Variants in STIM1 observed in about 807,000 individuals in gnomAD.
STIM1 encodes stromal interaction molecule 1.
Under a neutral mutation model 74.7 loss-of-function variants are expected in STIM1, and 25 were observed. The observed-to-expected ratio is 0.33, with a 90% CI of 0.24 to 0.47. STIM1 has a LOEUF of 0.47. STIM1 is among the 20% of genes least tolerant of loss of function. The pLI is 1.00. For missense variants in STIM1, 728 were observed against 920.8 expected, an observed-to-expected ratio of 0.79 and a Z score of 2.71; for synonymous variants, 328 against 348.8, an observed-to-expected ratio of 0.94 and a Z score of 0.66.
At chr11:3,928,176 A>G (rs1288294446) in intron 1 of STIM1, among the ~76,000 whole-genome samples, 1 of 151,160 alleles carries the variant, frequency 6.6e-6, no homozygotes, top group Non-Finnish European at 1.5e-5. Context: ...AAGGAAGGAC[A>G]TATTTTTTCT....
intron 2 of STIM1, among the ~76,000 whole-genome samples, chr11:3,972,084 T>C (rs773876106): frequency 6.6e-6 from 1 of 152,212 alleles, no homozygotes; most frequent in Admixed American, 6.5e-5. Flanking sequence ...CTTCATTTCC[T>C]TGGGTTCTGA....
Position 3,890,925 on chromosome 11 carries a change from T to C in STIM1, c.139+34516T>C, listed in dbSNP as rs115877634. Among the ~76,000 whole-genome samples, 1,129 of 152,290 alleles carry C rather than the reference T, an allele frequency of 7.4e-3. 11 individuals carry two copies. The highest frequency in any genetic ancestry group is 0.031 in the Middle Eastern group (9 of 294). On this transcript the variant is annotated intron_variant, in intron 1 of 12. Transcript: ENST00000526596. ...AATACTGTTTATGTACAATACCAGCTTGAGCTCTAAACTTGTAAAAGAATC... is the reference window on the plus strand; with the variant it reads ...AATACTGTTTATGTACAATACCAGCCTGAGCTCTAAACTTGTAAAAGAATC...
At chr11:4,045,897 G>T (rs1341934128) in intron 3 of STIM1, among the ~76,000 whole-genome samples, 2 of 149,206 alleles carry the variant, frequency 1.3e-5, no homozygotes, top group African/African-American at 4.9e-5. Flanking sequence ...CTCCCGAGTA[G>T]CTGGGATTAC....
intron 1 of STIM1, among the ~76,000 whole-genome samples, chr11:3,872,060 C>T (rs764603320): frequency 6.6e-6 from 1 of 152,000 alleles, no homozygotes; most frequent in African/African-American, 2.4e-5. Flanking sequence ...TTCTAACTCT[C>T]GTTTTTTTTT....
chr11:4,081,586 G>A (rs1164727394), intron 7 of STIM1, among the ~76,000 whole-genome samples: 1 of 152,170 alleles, frequency 6.6e-6, no homozygotes, highest in Non-Finnish European at 1.5e-5. Flanking sequence ...AGTTCTCTCT[G>A]ACATGAGCTC....
chr11:4,009,685 G>C (rs1204439851), intron 2 of STIM1, among the ~76,000 whole-genome samples: 1 of 151,970 alleles, frequency 6.6e-6, no homozygotes, highest in Non-Finnish European at 1.5e-5. Context: ...CATAAAAATA[G>C]TGTGCTTGCT....
At chr11:3,930,065 C>T (rs547157715) in intron 1 of STIM1, among the ~76,000 whole-genome samples, 1 of 152,284 alleles carries the variant, frequency 6.6e-6, no homozygotes, top group South Asian at 2.1e-4. Flanking sequence ...TGAGTAGCCT[C>T]TGGCCTCATG....
At chr11:4,070,254 C>T (rs767209828) in intron 6 of STIM1, 51 bp downstream of exon 6, 3 of 1,607,906 alleles carry the variant, frequency 1.9e-6, no homozygotes, top group African/African-American at 2.7e-5. Context: ...TCTTGGGAAC[C>T]TCCTATTTCC....
chr11:3,904,741 A>G (rs550358638), intron 1 of STIM1, among the ~76,000 whole-genome samples: 1 of 152,264 alleles, frequency 6.6e-6, no homozygotes, highest in Admixed American at 6.5e-5. Flanking sequence ...ACTGGGCATT[A>G]CTGTGATGCT....
chr11:3,856,098 G>T lies in STIM1; in HGVS notation c.-173G>T. 2 of 771,496 alleles carry T rather than the reference G, an allele frequency of 2.6e-6. No individual in the cohort carries two copies. The highest frequency in any genetic ancestry group is 4.2e-6 in the Non-Finnish European group (2 of 470,946). 47.8% of individuals were successfully genotyped at this position (771,496 alleles called of 1,614,324 possible). On this transcript the variant is annotated 5_prime_UTR_variant, in exon 1 of 13. Coordinates refer to ENST00000526596, the MANE Select transcript of STIM1 (RefSeq NM_001382567.1). The stretch of plus-strand genomic sequence containing the variant: ...CAGCCCTCCTCCCGCACCCAAACTT[G>T]GAGCACTTGACCTTTGGCTGTTGGA...
intron 7 of STIM1, among the ~76,000 whole-genome samples, chr11:4,077,290 C>T (rs537066897): frequency 6.6e-6 from 1 of 151,686 alleles, no homozygotes; most frequent in Non-Finnish European, 1.5e-5. Flanking sequence ...AGAAGTATTA[C>T]TGGACTCCAA....
intron 1 of STIM1, among the ~76,000 whole-genome samples, chr11:3,920,641 T>G (rs528203884): frequency 5.3e-5 from 8 of 152,266 alleles, no homozygotes; most frequent in African/African-American, 1.9e-4. Flanking sequence ...ATACTTGACC[T>G]GTTGAATAAG....
rs549976830 is a variant in STIM1, at chr11:3,946,710, T to C, written c.140-20842T>C. 5.6e-4 allele frequency among the ~76,000 whole-genome samples: 86 copies of C among 152,308 alleles called. 1 individual carries two copies. In the South Asian group the frequency reaches 0.017, roughly 30 times the overall value. On this transcript the variant is annotated intron_variant, in intron 1 of 12. Transcript: ENST00000526596. ...TTACCATATCCTGCTTATATTATGT[T>C]TCCTGACCTGCTATACTTTTTCCAG...
intron 1 of STIM1, chr11:3,892,829 A>G (rs1376786853): frequency 1.2e-6 from 2 of 1,612,398 alleles, no homozygotes; most frequent in Admixed American, 1.7e-5. Flanking sequence ...CTTGAAGGAG[A>G]CATGGCCCAA....
rs763916784 is a variant in STIM1 at position 4,084,693 on chromosome 11, C to T, written c.1495C>T (p.Arg499Cys). Residue 499 changes from arginine (R) to cysteine (C), a missense_variant, in exon 11 of 13, where the codon CGT becomes TGT. Around this residue, in one of 5 missense-constraint regions of STIM1, gnomAD observed 352 missense variants for 370.1 expected, o/e 0.95. Coordinates refer to ENST00000526596, the MANE Select transcript of STIM1 (RefSeq NM_001382567.1). The part of the protein sequence containing the change: ...SMQYAAWLMG[R>C]RFSDRSLCST... Reference sequence around the variant, plus strand: ...CCTAGATGCTGCCTGGCTGATGGGGCGTAGGTTCAGTGACCGCTCTCTCTG... The same window carrying T: ...CCTAGATGCTGCCTGGCTGATGGGGTGTAGGTTCAGTGACCGCTCTCTCTG... 9 of 1,289,260 alleles carry T rather than the reference C, an allele frequency of 7.0e-6. No individual in the cohort carries two copies. The highest frequency in any genetic ancestry group is 5.5e-5 in the East Asian group (1 of 18,036). The allele number at this position is 1,289,260 out of a possible 1,614,324, so 79.9% of individuals were successfully genotyped here.
intron 2 of STIM1, among the ~76,000 whole-genome samples, chr11:3,971,133 T>C (rs1427166398): frequency 6.6e-6 from 1 of 151,524 alleles, no homozygotes; most frequent in Non-Finnish European, 1.5e-5. Context: ...CCCAGCACTT[T>C]GGGAGGCCAA....
chr11:3,972,931 G>T, intron 2 of STIM1: 2 of 509,188 alleles, frequency 3.9e-6, no homozygotes, highest in Admixed American at 4.0e-5. Context: ...AAAATTTGAG[G>T]ACTGATTGTT....
At chr11:3,888,979 A>G (rs1050290919) in intron 1 of STIM1, among the ~76,000 whole-genome samples, 1 of 151,780 alleles carries the variant, frequency 6.6e-6, no homozygotes, top group Non-Finnish European at 1.5e-5. Flanking sequence ...GCTGCTGTCC[A>G]GAGACTTGAT....
intron 2 of STIM1, among the ~76,000 whole-genome samples, chr11:4,004,728 T>A (rs575618252): frequency 4.6e-5 from 7 of 150,572 alleles, no homozygotes; most frequent in African/African-American, 1.5e-4. Flanking sequence ...AAGCCAAAAT[T>A]GACAAATGGG....
Sources: gnomAD v4.1 joint callset for allele counts (sites outside exome capture counted in the v4.1 genomes callset) on GRCh38, gnomAD v4.1.1 for gene constraint, gnomAD v4.1.1 regional missense constraint, MANE v1.5 for transcripts, NCBI Gene and HGNC (gene_info 2026-07-23, HGNC 2026-07-21) for gene names.